The following TBC1D19 variants were observed in gnomAD, a reference collection of about 807,000 sequenced individuals.
TBC1D19 encodes the protein TBC1 domain family member 19.
Under a neutral mutation model 89.0 loss-of-function variants are expected in TBC1D19, and 60 were observed. The ratio of observed to expected loss-of-function variants is 0.67; its 90% CI spans 0.55 to 0.84. The LOEUF (loss-of-function observed/expected upper bound fraction) is 0.84. Among genes scored for constraint, TBC1D19 ranks in the 40% least tolerant of loss-of-function variants. TBC1D19 has a pLI of 0.00. For synonymous variants in TBC1D19, 189 were observed against 199.7 expected, an observed-to-expected ratio of 0.95 and a Z score of 0.45; for missense variants, 500 against 610.8, an observed-to-expected ratio of 0.82 and a Z score of 1.91.
the TBC1D19 span, among the ~76,000 whole-genome samples, chr4:26,813,936 C>T: frequency 6.6e-6 from 1 of 152,122 alleles, no homozygotes; most frequent in Non-Finnish European, 1.5e-5. Flanking sequence ...GCCTGTCTCC[C>T]TCCTCATGCC....
downstream of TBC1D19, among the ~76,000 whole-genome samples, chr4:26,757,734 C>T (rs1719322654): frequency 6.6e-6 from 1 of 152,180 alleles, no homozygotes; most frequent in Non-Finnish European, 1.5e-5. Flanking sequence ...CAGCCTTCTA[C>T]TTCAGAATTT....
chr4:26,631,902 A>G (rs760167880), intron 4 of TBC1D19, among the ~76,000 whole-genome samples: 2 of 151,906 alleles, frequency 1.3e-5, no homozygotes, highest in Non-Finnish European at 2.9e-5. Flanking sequence ...TTTTCTCTTG[A>G]CTGTTTTCTC....
At chr4:26,584,415 A>G in intron 1 of TBC1D19, 123 bp downstream of exon 1, 1 of 890,434 alleles carries the variant, frequency 1.1e-6, no homozygotes, top group Non-Finnish European at 1.7e-6. Flanking sequence ...GGTGCTCAAA[A>G]AACAAACAGA....
chr4:26,634,736 C>T (rs1743022031), intron 4 of TBC1D19, among the ~76,000 whole-genome samples: 1 of 152,018 alleles, frequency 6.6e-6, no homozygotes, highest in Non-Finnish European at 1.5e-5. Context: ...CTAGTATCTA[C>T]ATATATTTTA....
At chr4:26,687,138 T>G (rs1577933659) in intron 12 of TBC1D19, among the ~76,000 whole-genome samples, 1 of 152,182 alleles carries the variant, frequency 6.6e-6, no homozygotes, top group African/African-American at 2.4e-5. Flanking sequence ...TAGTTACATC[T>G]GGAGATTTTG....
In TBC1D19 at chr4:26,659,679, C is replaced by T. The variant is rs1193783872; in HGVS notation, c.563C>T (p.Pro188Leu). Residue 188 changes from proline (P) to leucine (L), a missense_variant, in exon 8 of 21, where the codon CCA becomes CTA. By Grantham distance (98) the Pro-to-Leu change is moderately conservative (BLOSUM62 -3). Transcript: ENST00000264866. ...ACTCATTTGGGTTTAATTCAAGTTCCACTGAAAGTAAAAGACATCCCTGAA... is the reference window on the plus strand; with the variant it reads ...ACTCATTTGGGTTTAATTCAAGTTCTACTGAAAGTAAAAGACATCCCTGAA... ...FRTHLGLIQVPLKVKDIPELK... is the reference protein window; with the variant it reads ...FRTHLGLIQVLLKVKDIPELK... The T allele has an allele frequency of 6.3e-7, 1 of 1,588,094 alleles. No individual in the cohort carries two copies. Among genetic ancestry groups the T allele is most frequent in the East Asian group, 2.2e-5 (1 of 44,458 alleles).
chr4:26,832,845 T>G, the TBC1D19 span, among the ~76,000 whole-genome samples: 5 of 152,062 alleles, frequency 3.3e-5, no homozygotes, highest in South Asian at 1.0e-3. Context: ...AATACAAAAA[T>G]TAGCTGGGCT....
In TBC1D19 at chr4:26,755,573, G is replaced by C. The variant is rs1719223046; in HGVS notation, c.*626G>C. 6.6e-6 allele frequency among the ~76,000 whole-genome samples: 1 copy of C among 152,048 alleles called. No homozygotes were observed. Among genetic ancestry groups the C allele is most frequent in the Non-Finnish European group, 1.5e-5 (1 of 67,988 alleles). On this transcript the variant is annotated 3_prime_UTR_variant, in exon 21 of 21. Transcript: ENST00000264866. ...AGGTCGAATACAATTGTCTCCATTTGACAATATTTTATGCTTGACTCTCTG... is the reference window on the plus strand; with the variant it reads ...AGGTCGAATACAATTGTCTCCATTTCACAATATTTTATGCTTGACTCTCTG...
the TBC1D19 span, among the ~76,000 whole-genome samples, chr4:26,821,599 A>G: frequency 2.0e-5 from 3 of 152,236 alleles, no homozygotes; most frequent in South Asian, 4.1e-4. Flanking sequence ...GACCTGGAAA[A>G]TTAGGCAGAT....
chr4:26,657,033 C>CTCCTTCTCCTTCTCCTTCTCCTTCTCCT (rs1440150054), intron 7 of TBC1D19, among the ~76,000 whole-genome samples: 4 of 108,376 alleles, frequency 3.7e-5, no homozygotes, highest in African/African-American at 1.2e-4. Flanking sequence ...CCTTCTCCTT[C>CTCCTTCTCCTTCTCCTTCTCCTTCTCCT]TCTCTTTCTT....
chr4:26,832,607 G>T, the TBC1D19 span, among the ~76,000 whole-genome samples: 1 of 152,064 alleles, frequency 6.6e-6, no homozygotes. Context: ...CATCTAGTGA[G>T]GTTTTAACAA....
chr4:26,836,491 C>G, the TBC1D19 span, among the ~76,000 whole-genome samples: 3 of 152,188 alleles, frequency 2.0e-5, no homozygotes. Flanking sequence ...CCTTGTCCAG[C>G]TTTTGAGCTG....
chr4:26,732,451 T>TG (rs1717723193), intron 15 of TBC1D19, among the ~76,000 whole-genome samples: 1 of 152,238 alleles, frequency 6.6e-6, no homozygotes, highest in African/African-American at 2.4e-5. Flanking sequence ...ATGATTGTTT[T>TG]GTCCCTAATC....
At chr4:26,597,846 A>G (rs1048443105) in intron 1 of TBC1D19, among the ~76,000 whole-genome samples, 1 of 151,900 alleles carries the variant, frequency 6.6e-6, no homozygotes, top group African/African-American at 2.4e-5. Flanking sequence ...GGTTATTCAA[A>G]TTCTTTATTA....
intron 7 of TBC1D19, among the ~76,000 whole-genome samples, chr4:26,648,094 A>G (rs1303831969): frequency 6.6e-6 from 1 of 152,100 alleles, no homozygotes; most frequent in Non-Finnish European, 1.5e-5. Flanking sequence ...GTACACCCAC[A>G]TGTGGCTTTC....
At position 26,748,543 on chromosome 4, in the gene TBC1D19, G is replaced by A; in HGVS notation, c.1435+17G>A. On this transcript the variant is annotated intron_variant, in intron 19 of 20. Coordinates refer to ENST00000264866, the MANE Select transcript of TBC1D19 (RefSeq NM_018317.4). The stretch of plus-strand genomic sequence containing the variant: ...TTCTTGCTGGTAAGAGTAAATGCTT[G>A]TTTGTAGAACACATGCTGTTTCTAT... 3 of 1,560,426 alleles carry A rather than the reference G, an allele frequency of 1.9e-6. No individual in the cohort carries two copies. The highest frequency in any genetic ancestry group is 2.6e-6 in the Non-Finnish European group (3 of 1,133,458).
At chr4:26,699,764 C>CA (rs1022730855) in intron 13 of TBC1D19, among the ~76,000 whole-genome samples, 1 of 138,228 alleles carries the variant, frequency 7.2e-6, no homozygotes, top group African/African-American at 2.7e-5. Flanking sequence ...AGCACAAGAA[C>CA]AAAAAACCAA....
intron 14 of TBC1D19, 103 bp downstream of exon 14, chr4:26,718,120 T>A (rs1716756498): frequency 2.5e-6 from 2 of 792,946 alleles, no homozygotes; most frequent in African/African-American, 1.8e-5. Flanking sequence ...TTATTATAAA[T>A]TACTTAAGAT....
chr4:26,591,646 T>C lies in TBC1D19; in HGVS notation c.99+7354T>C, dbSNP rs563642621. ...ATCAAATAGACACAATAAAAAATGA[T>C]AAAGGGGATATCACCACTGATCCCA... On this transcript the variant is annotated intron_variant, in intron 1 of 20. Transcript: ENST00000264866. 5.6e-4 allele frequency among the ~76,000 whole-genome samples: 85 copies of C among 152,146 alleles called. 1 individual carries two copies. Among genetic ancestry groups the C allele is most frequent in the African/African-American group, 1.9e-3 (78 of 41,524 alleles).
Sources: gnomAD v4.1 joint callset for allele counts (sites outside exome capture counted in the v4.1 genomes callset) on GRCh38, gnomAD v4.1.1 for gene constraint, MANE v1.5 for transcripts, NCBI Gene and HGNC (gene_info 2026-07-23, HGNC 2026-07-21) for gene names.